The following B4GALT5 variants were observed in gnomAD, a reference collection of about 807,000 sequenced individuals.
B4GALT5 encodes the protein beta-1,4-galactosyltransferase 5.
In B4GALT5, 11 loss-of-function variants were observed where a neutral mutation model predicts 45.0. That is an observed-to-expected ratio of 0.24 (90% CI 0.15 to 0.40). The LOEUF (loss-of-function observed/expected upper bound fraction) is 0.40, where lower values mean the gene tolerates loss of function less well. B4GALT5 is among the 10% of genes least tolerant of loss of function. The pLI is 1.00. For missense variants in B4GALT5, 337 were observed against 500.2 expected, an observed-to-expected ratio of 0.67 and a Z score of 3.11; for synonymous variants, 185 against 182.9, an observed-to-expected ratio of 1.01 and a Z score of -0.09.
rs1471311308 is a variant in B4GALT5, at chr20:49,643,625, A to G, written c.390T>C (p.Ser130=). ...CATGAATGTAATCCATTCCAATTTC[A>G]CTCATGTTTATGTCTATTGGGCCCT... ...SMKGPIDINM[S]EIGMDYIHEL... is the part of the protein sequence containing the mutation. Residue 130 remains serine (S), a synonymous_variant, in exon 4 of 9, where the codon AGT becomes AGC. Transcript: ENST00000371711. 1.2e-6 allele frequency: 2 copies of G among 1,613,552 alleles called. No homozygotes were observed. Among genetic ancestry groups the G allele is most frequent in the South Asian group, 1.1e-5 (1 of 91,062 alleles).
At chr20:49,674,527 A>C (rs2085729587) in intron 1 of B4GALT5, among the ~76,000 whole-genome samples, 1 of 151,936 alleles carries the variant, frequency 6.6e-6, no homozygotes, top group Admixed American at 6.6e-5. Context: ...GGAATTAGTA[A>C]CTTTTTTTAG....
At chr20:49,704,607 T>C (rs2085876442) in intron 1 of B4GALT5, among the ~76,000 whole-genome samples, 1 of 149,966 alleles carries the variant, frequency 6.7e-6, no homozygotes, top group Admixed American at 6.6e-5. Flanking sequence ...TAGTCCCAGC[T>C]ACTTGGGAGG....
chr20:49,650,634 T>C (rs546285574), intron 2 of B4GALT5, among the ~76,000 whole-genome samples: 2 of 151,774 alleles, frequency 1.3e-5, no homozygotes, highest in South Asian at 4.2e-4. Flanking sequence ...CAAAACTCCA[T>C]CATAAACAAA....
At position 49,633,513 on chromosome 20, in the gene B4GALT5, T is replaced by C. The variant is rs1984430957; in HGVS notation, c.*2799A>G. The C allele has an allele frequency of 6.6e-6, 1 of 151,692 alleles. No individual in the cohort carries two copies. The highest frequency in any genetic ancestry group is 1.9e-4 in the East Asian group (1 of 5,184). The allele number at this position is 151,692 out of a possible 1,614,324, so 9.4% of individuals were successfully genotyped here. On this transcript the variant is annotated 3_prime_UTR_variant, in exon 9 of 9. Coordinates refer to ENST00000371711, the MANE Select transcript of B4GALT5 (RefSeq NM_004776.4). ...TGGCTGTACGTTTTTAACTATGACA[T>C]TTCCCATATGATATTCGAGGCCTGG...
In B4GALT5 at chr20:49,642,552, G is replaced by C. The variant is rs774118735; in HGVS notation, c.522C>G (p.His174Gln). The C allele has an allele frequency of 6.8e-6, 11 of 1,614,002 alleles. No individual in the cohort carries two copies. In the African/African-American group the frequency reaches 1.2e-4, roughly 18 times the overall value. ...GTCTGAACAGGACTGGGAGGTGCTCGTGGCGGTTCCGGAAGGGGATAAGGA... is the reference window on the plus strand; with the variant it reads ...GTCTGAACAGGACTGGGAGGTGCTCCTGGCGGTTCCGGAAGGGGATAAGGA... ...VAILIPFRNR[H>Q]EHLPVLFRHL... Residue 174 changes from histidine to glutamine, a missense_variant, in exon 5 of 9, where the codon CAC (histidine) becomes CAG (glutamine). By Grantham distance (24) the His-to-Gln change is conservative (BLOSUM62 0). Around this residue, in one of 2 missense-constraint regions of B4GALT5, gnomAD observed 163 missense variants for 292.8 expected, o/e 0.56. Coordinates refer to ENST00000371711, the MANE Select transcript of B4GALT5 (RefSeq NM_004776.4).
intron 6 of B4GALT5, among the ~76,000 whole-genome samples, chr20:49,640,055 G>A (rs1262755629): frequency 6.6e-6 from 1 of 152,108 alleles, no homozygotes; most frequent in Non-Finnish European, 1.5e-5. Flanking sequence ...ACTGAATTGT[G>A]CAACCATGAC....
At chr20:49,703,419 T>C (rs745456279) in intron 1 of B4GALT5, among the ~76,000 whole-genome samples, 2 of 152,116 alleles carry the variant, frequency 1.3e-5, no homozygotes, top group African/African-American at 2.4e-5. Flanking sequence ...GCCCAGACAA[T>C]AGTTTCTTCT....
At chr20:49,657,057 T>A (rs2123019319) in intron 1 of B4GALT5, among the ~76,000 whole-genome samples, 1 of 152,174 alleles carries the variant, frequency 6.6e-6, no homozygotes, top group Non-Finnish European at 1.5e-5. Flanking sequence ...TTTTTAAAGG[T>A]TTCTGCTCTC....
At chr20:49,640,303 A>G (rs187994621) in intron 6 of B4GALT5, among the ~76,000 whole-genome samples, 175 bp downstream of exon 6, 1 of 152,348 alleles carries the variant, frequency 6.6e-6, no homozygotes, top group East Asian at 1.9e-4. Flanking sequence ...GGCACGTATC[A>G]GTATTTCATT....
intron 1 of B4GALT5, among the ~76,000 whole-genome samples, chr20:49,682,458 C>A (rs374399309): frequency 1.4e-3 from 213 of 152,294 alleles, no homozygotes; most frequent in African/African-American, 5.0e-3. Flanking sequence ...TCCAGCCACA[C>A]GGGCCTTCTC....
At chr20:49,693,932 G>A (rs1403738984) in intron 1 of B4GALT5, among the ~76,000 whole-genome samples, 1 of 152,094 alleles carries the variant, frequency 6.6e-6, no homozygotes, top group Non-Finnish European at 1.5e-5. Flanking sequence ...GGGAACAAAG[G>A]CACAACAAAA....
chr20:49,643,267 C>A (rs769113863), intron 4 of B4GALT5, among the ~76,000 whole-genome samples: 1 of 152,200 alleles, frequency 6.6e-6, no homozygotes, highest in Non-Finnish European at 1.5e-5. Context: ...AGACCACCAA[C>A]GCCCTCATCC....
chr20:49,646,028 G>GTAA (rs1431651591), intron 3 of B4GALT5, among the ~76,000 whole-genome samples: 1 of 151,856 alleles, frequency 6.6e-6, no homozygotes, highest in East Asian at 1.9e-4. Flanking sequence ...TCTTAAAAAA[G>GTAA]TAATAATAAT....
In B4GALT5 at chr20:49,713,695, C is replaced by CA; in HGVS notation, c.-6dup. 2.1e-6 allele frequency: 3 copies of CA among 1,402,078 alleles called. No individual in the cohort carries two copies. The highest frequency in any genetic ancestry group is 1.5e-5 in the African/African-American group (1 of 65,962). 86.9% of individuals were successfully genotyped at this position (1,402,078 alleles called of 1,614,324 possible). ...CAGCCCCCGGCGGGCGCGCATGCTG[C>CA]AGCCAGGCGGCCGCTAGAGAGCCAG... On this transcript the variant is annotated 5_prime_UTR_variant, in exon 1 of 9. Coordinates refer to ENST00000371711, the MANE Select transcript of B4GALT5 (RefSeq NM_004776.4).
At chr20:49,659,901 C>T (rs1227260719) in intron 1 of B4GALT5, among the ~76,000 whole-genome samples, 2 of 152,004 alleles carry the variant, frequency 1.3e-5, no homozygotes, top group Non-Finnish European at 2.9e-5. Context: ...CTCAGCCTCC[C>T]AAGTAGCTGG....
chr20:49,711,815 AC>A (rs546986940), intron 1 of B4GALT5, among the ~76,000 whole-genome samples: 1 of 152,166 alleles, frequency 6.6e-6, no homozygotes, highest in South Asian at 2.1e-4. Flanking sequence ...ATCAACATTA[AC>A]CACAAGTAAA....
chr20:49,633,009 C>A lies in B4GALT5; in HGVS notation c.*3303G>T, dbSNP rs1477469289. ...TCATAAATTAACATACAAAAATGTA[C>A]AAACACATGAGTAAATAATGTAATG... On this transcript the variant is annotated 3_prime_UTR_variant, in exon 9 of 9. Coordinates refer to ENST00000371711, the MANE Select transcript of B4GALT5 (RefSeq NM_004776.4). The A allele has an allele frequency of 6.6e-6, 1 of 152,574 alleles. No individual in the cohort carries two copies. The highest frequency in any genetic ancestry group is 1.9e-4 in the East Asian group (1 of 5,192). 9.5% of individuals were successfully genotyped at this position (152,574 alleles called of 1,614,324 possible).
chr20:49,655,434 A>G (rs2085638717), intron 2 of B4GALT5, among the ~76,000 whole-genome samples: 1 of 152,076 alleles, frequency 6.6e-6, no homozygotes, highest in Non-Finnish European at 1.5e-5. Context: ...CTCCATCTCA[A>G]AAAAACCCAA....
chr20:49,644,990 A>G (rs1249482546), intron 3 of B4GALT5, among the ~76,000 whole-genome samples: 3 of 152,238 alleles, frequency 2.0e-5, no homozygotes, highest in South Asian at 2.1e-4. Context: ...TAGGAAAGGT[A>G]TAAGAGTTTA....
Sources: allele counts gnomAD v4.1 joint callset (sites outside exome capture counted in the v4.1 genomes callset), GRCh38; gene constraint gnomAD v4.1.1; regional missense constraint gnomAD v4.1.1; transcripts MANE v1.5; gene names NCBI Gene and HGNC (gene_info 2026-07-23, HGNC 2026-07-21).